TMEM74: variants seen among roughly 807,000 people sequenced by gnomAD.
TMEM74 encodes transmembrane protein 74.
A neutral mutation model predicts 18.1 loss-of-function variants in TMEM74; 13 were observed. The ratio of observed to expected loss-of-function variants is 0.72; its 90% CI spans 0.47 to 1.14. The LOEUF (loss-of-function observed/expected upper bound fraction) is 1.14, where lower values mean the gene tolerates loss of function less well. Ranked by LOEUF, TMEM74 falls within the 50% of genes most tolerant of loss-of-function variation. The probability of loss-of-function intolerance (pLI) is 0.00; values close to 1 mark genes in which losing one functional copy is unlikely to be tolerated. For synonymous variants in TMEM74, 159 were observed against 146.6 expected (o/e 1.08, Z -0.61); for missense variants, 372 against 375.9 (o/e 0.99, Z 0.09).
At chr8:108,611,964 T>C (rs535708781) in intron 2 of TMEM74, among the ~76,000 whole-genome samples, 14 of 152,288 alleles carry the variant, frequency 9.2e-5, no homozygotes, top group African/African-American at 3.1e-4. Flanking sequence ...AAACACATCC[T>C]TCTTCACAGG....
At chr8:108,685,238 C>A (rs939355222) in intron 1 of TMEM74, among the ~76,000 whole-genome samples, 2 of 151,914 alleles carry the variant, frequency 1.3e-5, no homozygotes, top group South Asian at 4.1e-4. Context: ...TTTTCAGTTA[C>A]TTTATTATTC....
At chr8:108,699,201 C>A (rs1256009782) in intron 1 of TMEM74, among the ~76,000 whole-genome samples, 1 of 136,536 alleles carries the variant, frequency 7.3e-6, no homozygotes, top group Non-Finnish European at 1.6e-5. Flanking sequence ...CCCTCCCTCC[C>A]TCCCTCCCTC....
chr8:108,734,802 A>G (rs1368629964), intron 1 of TMEM74, among the ~76,000 whole-genome samples: 1 of 152,180 alleles, frequency 6.6e-6, no homozygotes, highest in Non-Finnish European at 1.5e-5. Flanking sequence ...CAGCCTTCTC[A>G]AGTGGAAGCT....
At chr8:108,642,094 A>T (rs1479729102) in intron 2 of TMEM74, among the ~76,000 whole-genome samples, 1 of 144,748 alleles carries the variant, frequency 6.9e-6, no homozygotes, top group Non-Finnish European at 1.5e-5. Flanking sequence ...ACAAAAACAG[A>T]TTTAGGAAAA....
chr8:108,645,592 G>A (rs1201264133), intron 2 of TMEM74, among the ~76,000 whole-genome samples: 1 of 152,070 alleles, frequency 6.6e-6, no homozygotes, highest in African/African-American at 2.4e-5. Context: ...ATGTACTAGA[G>A]ACATGACAAG....
At chr8:108,619,638 G>A (rs1812419899) in intron 2 of TMEM74, among the ~76,000 whole-genome samples, 1 of 152,162 alleles carries the variant, frequency 6.6e-6, no homozygotes, top group African/African-American at 2.4e-5. Flanking sequence ...AGGAGCTTAA[G>A]CATAGCTCCT....
intron 2 of TMEM74, among the ~76,000 whole-genome samples, chr8:108,627,268 A>C (rs1452589737): frequency 6.6e-6 from 1 of 152,018 alleles, no homozygotes; most frequent in Non-Finnish European, 1.5e-5. Context: ...GCTATAGACA[A>C]AGGGCTCTGT....
intron 1 of TMEM74, among the ~76,000 whole-genome samples, chr8:108,684,901 T>C (rs1488363693): frequency 2.0e-5 from 3 of 152,050 alleles, no homozygotes. Context: ...TTGCTCAAGA[T>C]TGCTTTGTCT....
At chr8:108,656,350 C>T (rs1563741825) in intron 1 of TMEM74, among the ~76,000 whole-genome samples, 1 of 152,140 alleles carries the variant, frequency 6.6e-6, no homozygotes, top group Non-Finnish European at 1.5e-5. Flanking sequence ...TCATTGTTGT[C>T]ACATGTTCCC....
intron 2 of TMEM74, among the ~76,000 whole-genome samples, chr8:108,622,424 C>A (rs1812453154): frequency 6.6e-6 from 1 of 152,102 alleles, no homozygotes; most frequent in African/African-American, 2.4e-5. Context: ...GACACCAATG[C>A]ATGTTTTTTA....
At chr8:108,712,663 C>T (rs1813485580) in intron 1 of TMEM74, among the ~76,000 whole-genome samples, 1 of 150,676 alleles carries the variant, frequency 6.6e-6, no homozygotes, top group Admixed American at 6.6e-5. Flanking sequence ...AAAGTAATTG[C>T]TTCCTGGTAC....
At chr8:108,735,779 TC>T (rs1286692673) in intron 1 of TMEM74, among the ~76,000 whole-genome samples, 2 of 152,134 alleles carry the variant, frequency 1.3e-5, no homozygotes, top group Non-Finnish European at 2.9e-5. Flanking sequence ...TATTGCCCAC[TC>T]CTTAATATCC....
downstream of TMEM74, among the ~76,000 whole-genome samples, chr8:108,776,439 G>A (rs994416500): frequency 2.0e-5 from 3 of 152,210 alleles, no homozygotes; most frequent in African/African-American, 4.8e-5. Flanking sequence ...GTTGCAGTGA[G>A]CCAAGATCAC....
chr8:108,641,695 C>G (rs1812666704), intron 2 of TMEM74, among the ~76,000 whole-genome samples: 1 of 152,140 alleles, frequency 6.6e-6, no homozygotes, highest in Admixed American at 6.6e-5. Context: ...CTCAGGCCGC[C>G]TTGGTCTGGA....
At chr8:108,705,974 C>T (rs974936462) in intron 1 of TMEM74, among the ~76,000 whole-genome samples, 2 of 152,184 alleles carry the variant, frequency 1.3e-5, no homozygotes, top group Admixed American at 1.3e-4. Flanking sequence ...ATCAAAATTC[C>T]AAACAGCAGA....
intron 1 of TMEM74, among the ~76,000 whole-genome samples, chr8:108,720,388 G>A (rs988425148): frequency 6.6e-6 from 1 of 152,152 alleles, no homozygotes; most frequent in Non-Finnish European, 1.5e-5. Context: ...TTAAATAATA[G>A]TCTACAATCA....
chr8:108,640,021 G>A (rs933427841), intron 2 of TMEM74, among the ~76,000 whole-genome samples: 12 of 151,100 alleles, frequency 7.9e-5, no homozygotes, highest in Non-Finnish European at 1.3e-4. Context: ...TTGTCAGTTA[G>A]CCTAGATACT....
At chr8:108,686,756 A>G (rs1813174655) in intron 1 of TMEM74, among the ~76,000 whole-genome samples, 1 of 151,952 alleles carries the variant, frequency 6.6e-6, no homozygotes, top group Non-Finnish European at 1.5e-5. Flanking sequence ...GAAGTTCTAT[A>G]TTTTGAGGGG....
intron 1 of TMEM74, among the ~76,000 whole-genome samples, chr8:108,762,346 A>G (rs961333749): frequency 1.3e-5 from 2 of 152,146 alleles, no homozygotes; most frequent in African/African-American, 2.4e-5. Context: ...TCTTAAGGAC[A>G]AATAGCTGAT....
Sources: allele counts gnomAD v4.1 joint callset (sites outside exome capture counted in the v4.1 genomes callset), GRCh38; gene constraint gnomAD v4.1.1; transcripts MANE v1.5; gene names NCBI Gene and HGNC (gene_info 2026-07-23, HGNC 2026-07-21).